The following RIPPLY3 variants were observed in gnomAD, a reference collection of about 807,000 sequenced individuals.
The protein encoded by RIPPLY3 is protein ripply3.
In RIPPLY3, 8 loss-of-function variants were observed where a neutral mutation model predicts 11.9. The ratio of observed to expected loss-of-function variants is 0.67; its 90% CI spans 0.40 to 1.21. The LOEUF (loss-of-function observed/expected upper bound fraction) is 1.21. RIPPLY3 is among the 50% of genes most tolerant of loss of function. RIPPLY3 has a pLI of 0.01. For synonymous variants in RIPPLY3, 102 were observed against 99.0 expected (o/e 1.03, Z -0.18); for missense variants, 271 against 246.0 (o/e 1.10, Z -0.68).
intron 3 of RIPPLY3, among the ~76,000 whole-genome samples, chr21:37,016,586 C>G (rs1209688584): frequency 6.6e-6 from 1 of 152,016 alleles, no homozygotes; most frequent in Non-Finnish European, 1.5e-5. Flanking sequence ...TAATCTCACA[C>G]TTTGGGAGGC....
In RIPPLY3 at chr21:37,006,822, G is replaced by A; in HGVS notation, c.50G>A (p.Cys17Tyr). 8.1e-7 allele frequency: 1 copy of A among 1,228,958 alleles called. No individual in the cohort carries two copies. The highest frequency in any genetic ancestry group is 1.0e-6 in the Non-Finnish European group (1 of 986,126). The allele number at this position is 1,228,958 out of a possible 1,614,324, so 76.1% of individuals were successfully genotyped here. Residue 17 changes from cysteine (C) to tyrosine (Y), a missense_variant, in exon 1 of 4, where the codon TGT (cysteine) becomes TAT (tyrosine). By Grantham distance (194) the Cys-to-Tyr change is radical. Transcript: ENST00000329553. This position sits in a 1 kb window ranked among gnomAD's most constrained non-coding sequence, Gnocchi z 5.2. ...AGARKARGRG[C>Y]HCPGDAPWRP... ...GCCCGGAAGGCGCGGGGGCGCGGCT[G>A]TCACTGCCCCGGGGACGCTCCCTGG...
rs2069605649 is a variant in RIPPLY3, at chr21:37,018,472, CAT to C, written c.*267_*268del. 2.2e-6 allele frequency: 1 copy of C among 458,704 alleles called. No homozygotes were observed. Among genetic ancestry groups the C allele is most frequent in the Non-Finnish European group, 3.9e-6 (1 of 256,132 alleles). 28.4% of individuals were successfully genotyped at this position (458,704 alleles called of 1,614,324 possible). On this transcript the variant is annotated 3_prime_UTR_variant, in exon 4 of 4. Transcript: ENST00000329553. ...GTCTATGTCAACAGAGTTGTTATCT[CAT>C]AGAGCCAGTTTTCAAAGCTCCTTCT...
chr21:37,012,208 C>CTTAT (rs1030355452), intron 2 of RIPPLY3, among the ~76,000 whole-genome samples: 2 of 103,722 alleles, frequency 1.9e-5, no homozygotes, highest in Non-Finnish European at 3.6e-5. Flanking sequence ...ATTTCCGCTC[C>CTTAT]TTATTTATTA....
chr21:37,008,768 A>ACC, intron 2 of RIPPLY3, among the ~76,000 whole-genome samples: 1 of 146,670 alleles, frequency 6.8e-6, no homozygotes, highest in Non-Finnish European at 1.5e-5. Flanking sequence ...AAAAAAAAAA[A>ACC]AAAAAAAAAA....
intron 1 of RIPPLY3, 134 bp downstream of exon 1, chr21:37,007,010 C>A: frequency 2.0e-6 from 1 of 501,532 alleles, no homozygotes. Flanking sequence ...TCGACGGCGA[C>A]GCCAAGCAAG....
chr21:37,007,504 G>T (rs1000014081), intron 1 of RIPPLY3, among the ~76,000 whole-genome samples: 2 of 149,884 alleles, frequency 1.3e-5, no homozygotes, highest in African/African-American at 4.9e-5. Flanking sequence ...CGCCTCCCGG[G>T]TTCAAGCGAT....
chr21:37,006,968 T>C lies in RIPPLY3; in HGVS notation c.104+92T>C. 1 of 735,056 alleles carries C rather than the reference T, an allele frequency of 1.4e-6. No homozygotes were observed. Among genetic ancestry groups the C allele is most frequent in the Non-Finnish European group, 1.8e-6 (1 of 543,978 alleles). The allele number at this position is 735,056 out of a possible 1,614,324, so 45.5% of individuals were successfully genotyped here. A position where few individuals can be genotyped will look rare whatever the true frequency, so the allele number is the denominator to read the frequency against. On this transcript the variant is annotated intron_variant, in intron 1 of 3. Transcript: ENST00000329553. The surrounding 1 kb of genome is among the most constrained non-coding windows in gnomAD (Gnocchi z 5.2). ...AGCGAGCGGGAGGCTGGGGCGCTGC[T>C]GAACCCCCGATCCCCAGCGGAGCTC...
chr21:37,016,409 GT>G (rs560122459), intron 3 of RIPPLY3, among the ~76,000 whole-genome samples: 2 of 152,142 alleles, frequency 1.3e-5, no homozygotes, highest in East Asian at 3.9e-4. Flanking sequence ...ATAGAAGGGT[GT>G]TTTCTCTCTC....
Position 37,006,933 on chromosome 21 carries a change from C to T in RIPPLY3, c.104+57C>T. On this transcript the variant is annotated intron_variant, in intron 1 of 3. Transcript: ENST00000329553. The surrounding 1 kb of genome is among the most constrained non-coding windows in gnomAD (Gnocchi z 5.2). ...CTGAGAGGCGTGCGCGGTGGCGGTG[C>T]GGGGAGCGCAGCGAGCGGGAGGCTG... 9.7e-7 allele frequency: 1 copy of T among 1,033,514 alleles called. No individual in the cohort carries two copies. The highest frequency in any genetic ancestry group is 1.7e-5 in the African/African-American group (1 of 60,082). The allele number at this position is 1,033,514 out of a possible 1,614,324, so 64.0% of individuals were successfully genotyped here. A position where few individuals can be genotyped will look rare whatever the true frequency, so the allele number is the denominator to read the frequency against.
rs563173520 is a variant in RIPPLY3, at chr21:37,016,302, C to G, written c.240-1572C>G. 2.0e-5 allele frequency among the ~76,000 whole-genome samples: 3 copies of G among 152,168 alleles called. No individual in the cohort carries two copies. The South Asian group carries it at 6.2e-4, about 32-fold the overall frequency. ...GTAGCTTACCCTCCATTGTGACAAC[C>G]AAAAATGTCTCCAGACATTGCCAAA... On this transcript the variant is annotated intron_variant, in intron 3 of 3. Coordinates refer to ENST00000329553, the MANE Select transcript of RIPPLY3 (RefSeq NM_018962.3).
At chr21:37,017,014 C>T (rs1385480338) in intron 3 of RIPPLY3, among the ~76,000 whole-genome samples, 1 of 151,742 alleles carries the variant, frequency 6.6e-6, no homozygotes, top group African/African-American at 2.4e-5. Context: ...ATTAGCCAGG[C>T]ATGGTGGTGG....
chr21:37,008,010 C>T, intron 1 of RIPPLY3, 147 bp from the exon 2 acceptor site: 1 of 630,964 alleles, frequency 1.6e-6, no homozygotes, highest in Non-Finnish European at 2.7e-6. Context: ...AATTTATCCA[C>T]AGCCCTGAGA....
chr21:37,009,733 G>C (rs1363733023), intron 2 of RIPPLY3, among the ~76,000 whole-genome samples: 1 of 152,192 alleles, frequency 6.6e-6, no homozygotes, highest in Non-Finnish European at 1.5e-5. Flanking sequence ...TTTCTGTTTT[G>C]ATAAGGCCGT....
chr21:37,006,785 G>T lies in RIPPLY3; in HGVS notation c.13G>T (p.Ala5Ser). MEPEAAAGARKARGR... is the reference protein window; with the variant it reads MEPESAAGARKARGR... Reference sequence around the variant, plus strand: ...CTCCGCCGGCACCATGGAGCCCGAAGCGGCGGCCGGAGCCCGGAAGGCGCG... The same window carrying T: ...CTCCGCCGGCACCATGGAGCCCGAATCGGCGGCCGGAGCCCGGAAGGCGCG... The change falls in exon 1 of 4, where the codon GCG becomes TCG. Residue 5 changes from alanine to serine, a missense_variant. By Grantham distance (99) the Ala-to-Ser change is moderately conservative (BLOSUM62 1). Coordinates refer to ENST00000329553, the MANE Select transcript of RIPPLY3 (RefSeq NM_018962.3). This position sits in a 1 kb window ranked among gnomAD's most constrained non-coding sequence, Gnocchi z 5.2. The T allele has an allele frequency of 1.6e-6, 2 of 1,232,504 alleles. No homozygotes were observed. Among genetic ancestry groups the T allele is most frequent in the Non-Finnish European group, 2.0e-6 (2 of 988,594 alleles). The allele number at this position is 1,232,504 out of a possible 1,614,324, so 76.3% of individuals were successfully genotyped here.
intron 2 of RIPPLY3, among the ~76,000 whole-genome samples, chr21:37,008,578 C>G (rs950556288): frequency 1.3e-5 from 2 of 151,728 alleles, no homozygotes; most frequent in Non-Finnish European, 2.9e-5. Flanking sequence ...GCCAAGATGG[C>G]GAAACCCCGT....
intron 3 of RIPPLY3, 95 bp from the exon 4 acceptor site, chr21:37,017,778 TG>T: frequency 3.2e-6 from 3 of 935,850 alleles, no homozygotes; most frequent in Admixed American, 2.8e-5. Flanking sequence ...AAAGGAAGAC[TG>T]GGGAGTTCTC....
At chr21:37,012,505 T>C (rs1408126015) in intron 2 of RIPPLY3, among the ~76,000 whole-genome samples, 1 of 152,098 alleles carries the variant, frequency 6.6e-6, no homozygotes. Flanking sequence ...CCTCCCAAAG[T>C]GCTGCCATTA....
At chr21:37,014,064 C>T (rs995062806) in intron 3 of RIPPLY3, among the ~76,000 whole-genome samples, 1 of 152,092 alleles carries the variant, frequency 6.6e-6, no homozygotes, top group Non-Finnish European at 1.5e-5. Flanking sequence ...GCCTGTAATC[C>T]CAGCACTTTG....
rs919456677 is a variant in RIPPLY3, at chr21:37,006,915, G to A, written c.104+39G>A. The A allele has an allele frequency of 2.1e-4, 237 of 1,132,734 alleles. No homozygotes were observed. Among genetic ancestry groups the A allele is most frequent in the Non-Finnish European group, 2.6e-4 (230 of 901,960 alleles). The allele number at this position is 1,132,734 out of a possible 1,614,324, so 70.2% of individuals were successfully genotyped here. ...CGCGCCCCGGTGGACGCGCTGAGAG[G>A]CGTGCGCGGTGGCGGTGCGGGGAGC... is the stretch of plus-strand genomic sequence containing the variant. On this transcript the variant is annotated intron_variant, in intron 1 of 3. Coordinates refer to ENST00000329553, the MANE Select transcript of RIPPLY3 (RefSeq NM_018962.3). The surrounding 1 kb of genome is among the most constrained non-coding windows in gnomAD (Gnocchi z 5.2).
Sources: gnomAD v4.1 joint callset for allele counts (sites outside exome capture counted in the v4.1 genomes callset) on GRCh38, gnomAD v4.1.1 for gene constraint, Gnocchi (gnomAD v3.1) non-coding constraint, MANE v1.5 for transcripts, NCBI Gene and HGNC (gene_info 2026-07-23, HGNC 2026-07-21) for gene names.